The following FOXJ3 variants were observed in gnomAD, a reference collection of about 807,000 sequenced individuals.
FOXJ3 encodes the protein forkhead box protein J3.
FOXJ3 carries 22 observed loss-of-function variants against 76.1 expected under a neutral mutation model. The ratio of observed to expected loss-of-function variants is 0.29; its 90% CI spans 0.21 to 0.41. The LOEUF (loss-of-function observed/expected upper bound fraction) is 0.41, where lower values mean the gene tolerates loss of function less well. FOXJ3 is among the 10% of genes least tolerant of loss of function. FOXJ3 has a pLI of 1.00. For synonymous variants in FOXJ3, 269 were observed against 261.2 expected (o/e 1.03, Z -0.29); for missense variants, 613 against 762.1 (o/e 0.80, Z 2.30).
chr1:42,195,046 A>C lies in FOXJ3; in HGVS notation c.778T>G (p.Ser260Ala), dbSNP rs1479000126. ...SYTPVTSHPE[S>A]VSQSLTPQQQ... ...TGAGGAGTTAATGATTGAGAGACTG[A>C]TTCTGGATGGCTTGTCACCTAACAT... is the stretch of plus-strand genomic sequence containing the variant. Residue 260 changes from serine (S) to alanine (A), a missense_variant, in exon 8 of 13, where the codon TCA becomes GCA. Ser to Ala is a moderately conservative substitution (Grantham distance 99). Transcript: ENST00000361346. The C allele has an allele frequency of 1.2e-6, 2 of 1,604,666 alleles. No individual in the cohort carries two copies. Among genetic ancestry groups the C allele is most frequent in the Non-Finnish European group, 1.7e-6 (2 of 1,177,168 alleles).
At chr1:42,294,799 T>C (rs1427933589) in intron 2 of FOXJ3, among the ~76,000 whole-genome samples, 3 of 143,466 alleles carry the variant, frequency 2.1e-5, no homozygotes, top group Admixed American at 1.4e-4. Context: ...ACTTGAGGGA[T>C]AGAATGGCTA....
In FOXJ3 at chr1:42,180,796, G is replaced by A. The variant is rs573489327; in HGVS notation, c.1754-971C>T. The stretch of plus-strand genomic sequence containing the variant: ...TCTCATTCAATCCTAACAACTCGAG[G>A]ACACAGGTAGTTTTATTAGCCCCTT... On this transcript the variant is annotated intron_variant, in intron 12 of 12. Coordinates refer to ENST00000361346, the MANE Select transcript of FOXJ3 (RefSeq NM_014947.5). 2.3e-4 allele frequency among the ~76,000 whole-genome samples: 35 copies of A among 152,274 alleles called. No homozygotes were observed. The Middle Eastern group carries it at 0.024, about 104-fold the overall frequency.
chr1:42,253,108 A>G (rs879403013), intron 4 of FOXJ3, among the ~76,000 whole-genome samples: 2,679 of 145,396 alleles, frequency 0.018, no homozygotes, highest in South Asian at 0.044. Flanking sequence ...AAGCAACTTC[A>G]GCAAAGTCTC....
intron 1 of FOXJ3, among the ~76,000 whole-genome samples, chr1:42,315,127 C>T (rs533408250): frequency 5.3e-5 from 8 of 152,308 alleles, no homozygotes; most frequent in African/African-American, 1.9e-4. Context: ...ATGTCCAGAA[C>T]TGGCAAATCT....
chr1:42,301,801 A>G (rs1654165517), intron 2 of FOXJ3, among the ~76,000 whole-genome samples: 1 of 152,048 alleles, frequency 6.6e-6, no homozygotes, highest in South Asian at 2.1e-4. Context: ...TTTATCTTGT[A>G]TTTCAAAGAT....
intron 1 of FOXJ3, among the ~76,000 whole-genome samples, chr1:42,318,363 T>C (rs1190493880): frequency 2.0e-5 from 3 of 152,200 alleles, no homozygotes; most frequent in African/African-American, 7.2e-5. Flanking sequence ...ATTTTGGAGA[T>C]GGAGTTTCGC....
intron 7 of FOXJ3, 61 bp from the exon 8 acceptor site, chr1:42,195,125 T>C (rs1271601799): frequency 1.7e-6 from 2 of 1,211,878 alleles, no homozygotes; most frequent in South Asian, 1.5e-5. Flanking sequence ...TGGCTTGTTA[T>C]ATAAAATATA....
chr1:42,210,314 T>C (rs1646942767), intron 5 of FOXJ3, among the ~76,000 whole-genome samples: 1 of 152,084 alleles, frequency 6.6e-6, no homozygotes, highest in Non-Finnish European at 1.5e-5. Flanking sequence ...GTCCCTTCAC[T>C]CGCCCTGGTA....
chr1:42,256,487 C>T (rs902174074), intron 4 of FOXJ3, among the ~76,000 whole-genome samples: 1 of 151,936 alleles, frequency 6.6e-6, no homozygotes, highest in African/African-American at 2.4e-5. Flanking sequence ...TCAATATCAA[C>T]AGCCATCAGG....
At position 42,237,663 on chromosome 1, in the gene FOXJ3, G is replaced by A. The variant is rs1261932799; in HGVS notation, c.445-9697C>T. ...CCAATTTATCAAATTTTCATTTTAC[G>A]ATATGTGCTTTATATCTTTTTTTTT... On this transcript the variant is annotated intron_variant, in intron 4 of 12. Transcript: ENST00000361346. Among the ~76,000 whole-genome samples the A allele has an allele frequency of 1.1e-4, 16 of 151,268 alleles. No individual in the cohort carries two copies. The South Asian group carries it at 1.3e-3, about 12-fold the overall frequency.
chr1:42,253,938 G>A (rs372376714), intron 4 of FOXJ3, among the ~76,000 whole-genome samples: 26 of 151,304 alleles, frequency 1.7e-4, no homozygotes, highest in South Asian at 8.4e-4. Flanking sequence ...AAAAGCAATG[G>A]CAACAAAAGC....
chr1:42,303,480 T>A (rs966477200), intron 2 of FOXJ3, among the ~76,000 whole-genome samples: 4 of 152,196 alleles, frequency 2.6e-5, no homozygotes, highest in African/African-American at 9.6e-5. Flanking sequence ...AGGCTTGAAA[T>A]AAATCTGCCT....
chr1:42,240,003 G>A (rs1414755467), intron 4 of FOXJ3, among the ~76,000 whole-genome samples: 2 of 152,136 alleles, frequency 1.3e-5, no homozygotes, highest in African/African-American at 2.4e-5. Context: ...CTGCCCTTAA[G>A]ATTTAGGATT....
intron 2 of FOXJ3, among the ~76,000 whole-genome samples, chr1:42,281,798 C>T (rs1437541889): frequency 6.6e-6 from 1 of 152,154 alleles, no homozygotes; most frequent in Admixed American, 6.5e-5. Context: ...GTGGCTCATG[C>T]CTGTAATCCC....
chr1:42,216,595 C>A (rs1647073863), intron 5 of FOXJ3, among the ~76,000 whole-genome samples: 1 of 151,940 alleles, frequency 6.6e-6, no homozygotes, highest in South Asian at 2.1e-4. Context: ...AGTTATAACA[C>A]TGTCTTATGA....
rs879420647 is a variant in FOXJ3 at position 42,311,209 on chromosome 1, A to C, written c.-17-99T>G. On this transcript the variant is annotated intron_variant, in intron 1 of 12. Transcript: ENST00000361346. Reference sequence around the variant, plus strand: ...TTTAAAACACTCTGAAAACAGAAGTAGAATGTTCTACTAAAGAATTCTACT... The same window carrying C: ...TTTAAAACACTCTGAAAACAGAAGTCGAATGTTCTACTAAAGAATTCTACT... The C allele has an allele frequency of 7.4e-5, 56 of 752,246 alleles. No individual in the cohort carries two copies. The African/African-American group carries it at 8.5e-4, about 11-fold the overall frequency. 46.6% of individuals were successfully genotyped at this position (752,246 alleles called of 1,614,324 possible).
chr1:42,226,805 C>T (rs1005921597), intron 5 of FOXJ3, among the ~76,000 whole-genome samples: 6 of 152,192 alleles, frequency 3.9e-5, no homozygotes, highest in African/African-American at 1.2e-4. Context: ...CTCATTGCTG[C>T]TGTACCTCAT....
chr1:42,181,713 T>C (rs572676328), intron 12 of FOXJ3, among the ~76,000 whole-genome samples: 117 of 152,314 alleles, frequency 7.7e-4, no homozygotes, highest in South Asian at 1.9e-3. Context: ...TGAGGCAGCC[T>C]CATTCACCAT....
At chr1:42,274,991 G>A (rs1211066603) in intron 3 of FOXJ3, among the ~76,000 whole-genome samples, 2 of 152,138 alleles carry the variant, frequency 1.3e-5, no homozygotes, top group Admixed American at 6.5e-5. Context: ...CTGGAATGGC[G>A]AGAAGTATAT....
Sources: allele counts gnomAD v4.1 joint callset (sites outside exome capture counted in the v4.1 genomes callset), GRCh38; gene constraint gnomAD v4.1.1; transcripts MANE v1.5; gene names NCBI Gene and HGNC (gene_info 2026-07-23, HGNC 2026-07-21).